Variants in CRELD1 observed in about 807,000 individuals in gnomAD.
CRELD1 encodes protein disulfide isomerase CRELD1.
A neutral mutation model predicts 58.2 loss-of-function variants in CRELD1; 42 were observed. The ratio of observed to expected loss-of-function variants is 0.72; its 90% CI spans 0.56 to 0.93. CRELD1 has a LOEUF of 0.93. Among genes scored for constraint, CRELD1 ranks in the 40% least tolerant of loss-of-function variants. CRELD1 has a pLI of 0.00. For synonymous variants in CRELD1, 222 were observed against 202.0 expected, an observed-to-expected ratio of 1.10 and a Z score of -0.84; for missense variants, 500 against 540.6, an observed-to-expected ratio of 0.92 and a Z score of 0.74.
intron 7 of CRELD1, among the ~76,000 whole-genome samples, chr3:9,942,106 C>T (rs2085385635): frequency 6.6e-6 from 1 of 151,856 alleles, no homozygotes; most frequent in African/African-American, 2.4e-5. Context: ...CCTGTCTGTA[C>T]TAAAAATACA....
intron 7 of CRELD1, among the ~76,000 whole-genome samples, 159 bp downstream of exon 7, chr3:9,941,365 C>T (rs1243107552): frequency 6.6e-6 from 1 of 151,440 alleles, no homozygotes; most frequent in Non-Finnish European, 1.5e-5. Flanking sequence ...TACTTACAGT[C>T]CAGTACACAG....
chr3:9,943,975 T>C lies in CRELD1; in HGVS notation c.1049-390T>C, dbSNP rs572032802. On this transcript the variant is annotated intron_variant, in intron 10 of 10. Transcript: ENST00000452070. ...GGAAGTTGGGTTCTCATCCCCACTC[T>C]ACATATGTAAAAATGAAGATGCAGA... is the stretch of plus-strand genomic sequence containing the variant. 4 of 1,081,568 alleles carry C rather than the reference T, an allele frequency of 3.7e-6. No individual in the cohort carries two copies. In the South Asian group the frequency reaches 3.7e-5, roughly 10 times the overall value. The allele number at this position is 1,081,568 out of a possible 1,614,324, so 67.0% of individuals were successfully genotyped here.
Position 9,938,894 on chromosome 3 carries a change from C to T in CRELD1, c.460+788C>T, listed in dbSNP as rs191533279. Among the ~76,000 whole-genome samples the T allele has an allele frequency of 1.3e-4, 19 of 151,568 alleles. No homozygotes were observed. The East Asian group carries it at 3.3e-3, about 26-fold the overall frequency. Reference sequence around the variant, plus strand: ...AAAGAAAATATTTGGTCCAGTGGCTCGTACCTGTAAACCCAGCACTTTGGG... The same window carrying T: ...AAAGAAAATATTTGGTCCAGTGGCTTGTACCTGTAAACCCAGCACTTTGGG... On this transcript the variant is annotated intron_variant, in intron 5 of 10. Transcript: ENST00000452070.
Position 9,937,556 on chromosome 3 carries a change from G to A in CRELD1, c.258-6G>A, listed in dbSNP as rs573320219. ...GTTTCCCACCAGCCCTGCCCTGTCC[G>A]ATCAGTGAGACCCGCCTGGTAGAGG... On this transcript the variant is annotated splice_region_variant and splice_polypyrimidine_tract_variant and intron_variant, in intron 3 of 10. Transcript: ENST00000452070. 2.3e-4 allele frequency: 367 copies of A among 1,604,128 alleles called. 6 individuals are homozygous for A. In the South Asian group the frequency reaches 3.7e-3, roughly 16 times the overall value.
chr3:9,937,985 C>T, intron 4 of CRELD1, 30 bp from the exon 5 acceptor site: 1 of 1,520,940 alleles, frequency 6.6e-7, no homozygotes, highest in Non-Finnish European at 9.1e-7. Flanking sequence ...CACCTCCTCC[C>T]CACCTCCCTC....
At chr3:9,940,189 CAGCCTGGCAGAG>C (rs901351850) in intron 5 of CRELD1, among the ~76,000 whole-genome samples, 2 of 151,162 alleles carry the variant, frequency 1.3e-5, no homozygotes, top group Admixed American at 6.6e-5. Flanking sequence ...CCAGACTGGG[CAGCCTGGCAGAG>C]AGGCTCCTCA....
rs1359704213 is a variant in CRELD1 at position 9,945,131 on chromosome 3, A to G, written c.*552A>G. 1.6e-5 allele frequency: 3 copies of G among 185,924 alleles called. No homozygotes were observed. The South Asian group carries it at 3.4e-4, about 21-fold the overall frequency. 11.5% of individuals were successfully genotyped at this position (185,924 alleles called of 1,614,324 possible). ...TTCTTTGATGGTGAGTGGAGAAAAG[A>G]TAGAGGAGAAGGTTGCCCCTGAAGT... On this transcript the variant is annotated 3_prime_UTR_variant, in exon 11 of 11. Coordinates refer to ENST00000452070, the MANE Select transcript of CRELD1 (RefSeq NM_001077415.3).
chr3:9,935,917 A>T (rs929347416), intron 3 of CRELD1: 1 of 152,272 alleles, frequency 6.6e-6, no homozygotes, highest in Non-Finnish European at 1.5e-5. Flanking sequence ...AGTTGTCATT[A>T]TATAGTCAGT....
intron 3 of CRELD1, among the ~76,000 whole-genome samples, chr3:9,936,908 T>C (rs1324083459): frequency 6.6e-6 from 1 of 152,250 alleles, no homozygotes; most frequent in Admixed American, 6.5e-5. Flanking sequence ...TTTTTATGGC[T>C]GAATAATATT....
chr3:9,937,862 C>T (rs554988782), intron 4 of CRELD1, among the ~76,000 whole-genome samples, 153 bp from the exon 5 acceptor site: 1 of 152,260 alleles, frequency 6.6e-6, no homozygotes, highest in South Asian at 2.1e-4. Flanking sequence ...ACCCTTCTGC[C>T]AAATGGGGAA....
intron 9 of CRELD1, 96 bp downstream of exon 9, chr3:9,943,268 G>T: frequency 1.3e-6 from 2 of 1,595,774 alleles, no homozygotes; most frequent in Non-Finnish European, 1.7e-6. Context: ...GGGAAGGAAG[G>T]GTGGAATGTT....
At chr3:9,940,003 C>T (rs888380661) in intron 5 of CRELD1, among the ~76,000 whole-genome samples, 5 of 151,820 alleles carry the variant, frequency 3.3e-5, no homozygotes, top group South Asian at 2.1e-4. Context: ...GGCTGCCCGG[C>T]GGAGACACTT....
intron 10 of CRELD1, 49 bp downstream of exon 10, chr3:9,943,564 G>A (rs2085431115): frequency 6.2e-7 from 1 of 1,612,824 alleles, no homozygotes; most frequent in African/African-American, 1.3e-5. Context: ...AGAGAAGGCA[G>A]GCAAGCCCCT....
chr3:9,934,272 TC>T, intron 1 of CRELD1, 147 bp from the exon 2 acceptor site: 2 of 577,076 alleles, frequency 3.5e-6, no homozygotes, highest in East Asian at 6.3e-5. Flanking sequence ...TCCCCACCCA[TC>T]CCCACAGCCC....
At chr3:9,943,872 C>T in intron 10 of CRELD1, 1 of 1,613,516 alleles carries the variant, frequency 6.2e-7, no homozygotes, top group Admixed American at 1.7e-5. Flanking sequence ...ACCATTTCCC[C>T]AGCAATTACT....
intron 3 of CRELD1, chr3:9,935,133 A>G: frequency 3.7e-6 from 2 of 539,512 alleles, no homozygotes; most frequent in South Asian, 2.1e-5. Context: ...AGTGAATAAT[A>G]TTATGTCAGA....
intron 10 of CRELD1, chr3:9,943,984 A>C (rs766564712): frequency 1.9e-6 from 2 of 1,045,880 alleles, no homozygotes; most frequent in Non-Finnish European, 1.5e-6. Context: ...CTACATATGT[A>C]AAAATGAAGA....
At position 9,934,531 on chromosome 3, in the gene CRELD1, C is replaced by T. The variant is rs199599039; in HGVS notation, c.93C>T (p.Pro31=). ...TCCCAGGACCTATCTGGCTCCAGCCCTCTCCACCTCCCCAGTCTTCTCCCC... is the reference window on the plus strand; with the variant it reads ...TCCCAGGACCTATCTGGCTCCAGCCTTCTCCACCTCCCCAGTCTTCTCCCC... The part of the protein sequence containing the change: ...LNLPGPIWLQ[P]SPPPQSSPPP... The change falls in exon 2 of 11, where the codon CCC becomes CCT. Residue 31 remains proline (P), a synonymous_variant. Transcript: ENST00000452070. The T allele has an allele frequency of 4.8e-4, 768 of 1,614,090 alleles. 5 individuals carry two copies. The South Asian group carries it at 5.1e-3, about 11-fold the overall frequency.
rs981632203 is a variant in CRELD1, at chr3:9,945,344, C to T, written c.*765C>T. The T allele has an allele frequency of 4.5e-5, 7 of 154,464 alleles. No individual in the cohort carries two copies. The highest frequency in any genetic ancestry group is 1.3e-4 in the Admixed American group (2 of 15,704). 9.6% of individuals were successfully genotyped at this position (154,464 alleles called of 1,614,324 possible). ...TTAAATGAGGTGACAAATGTGAAGA[C>T]CTGGACAGTACACAACAGATATTCA... On this transcript the variant is annotated 3_prime_UTR_variant, in exon 11 of 11. Coordinates refer to ENST00000452070, the MANE Select transcript of CRELD1 (RefSeq NM_001077415.3).
Sources: allele counts gnomAD v4.1 joint callset (sites outside exome capture counted in the v4.1 genomes callset), GRCh38; gene constraint gnomAD v4.1.1; transcripts MANE v1.5; gene names NCBI Gene and HGNC (gene_info 2026-07-23, HGNC 2026-07-21).